Variants in KLF8 observed in about 807,000 individuals in gnomAD.
KLF8 encodes the protein Krueppel-like factor 8.
A neutral mutation model predicts 18.2 loss-of-function variants in KLF8; 10 were observed. That is an observed-to-expected ratio of 0.55 (90% CI 0.34 to 0.93). The LOEUF is 0.93. Ranked by LOEUF, KLF8 falls within the 40% of genes least tolerant of loss-of-function variation. The pLI, the probability that KLF8 is intolerant of heterozygous loss-of-function variation, is 0.02. For missense variants in KLF8, 264 were observed against 277.9 expected, an observed-to-expected ratio of 0.95 and a Z score of 0.36; for synonymous variants, 109 against 97.3, an observed-to-expected ratio of 1.12 and a Z score of -0.71.
At chrX:55,985,897 T>C in the KLF8 span, among the ~76,000 whole-genome samples, 4 of 111,176 alleles carry the variant, frequency 3.6e-5, no homozygotes, top group African/African-American at 1.3e-4. Context: ...GTGGGAATTG[T>C]GAATGGGGGA....
chrX:56,110,129 G>A, the KLF8 span, among the ~76,000 whole-genome samples: 1 of 111,572 alleles, frequency 9.0e-6, no homozygotes, highest in Non-Finnish European at 1.9e-5. Flanking sequence ...TCCTTTTATG[G>A]CTGCATAGTA....
chrX:56,109,326 T>C, the KLF8 span, among the ~76,000 whole-genome samples: 1 of 108,228 alleles, frequency 9.2e-6, no homozygotes, highest in South Asian at 4.2e-4. Context: ...GCTAGGGAGA[T>C]TGAGGCTTCA....
the KLF8 span, among the ~76,000 whole-genome samples, chrX:55,921,373 A>T: frequency 1.8e-5 from 2 of 111,575 alleles, no homozygotes; most frequent in Admixed American, 9.5e-5. Flanking sequence ...TATTTCTGAG[A>T]TCTCTATTAT....
At chrX:56,214,174 G>T in the KLF8 span, among the ~76,000 whole-genome samples, 2 of 110,703 alleles carry the variant, frequency 1.8e-5, no homozygotes, top group African/African-American at 6.6e-5. Flanking sequence ...TATAGGATGG[G>T]GGGTGAGGGG....
At chrX:56,241,190 T>C (rs755075269) in intron 1 of KLF8, among the ~76,000 whole-genome samples, 2 of 111,481 alleles carry the variant, frequency 1.8e-5, no homozygotes, top group African/African-American at 6.5e-5. Context: ...TTTTTTGAGA[T>C]GGAGCCTCGC....
the KLF8 span, among the ~76,000 whole-genome samples, chrX:56,211,165 C>T: frequency 1.5e-4 from 17 of 111,777 alleles, no homozygotes; most frequent in Admixed American, 9.5e-4. Flanking sequence ...TATTTGTCGC[C>T]GTCCTATTTG....
At chrX:55,998,544 C>T in the KLF8 span, among the ~76,000 whole-genome samples, 23 of 112,212 alleles carry the variant, frequency 2.0e-4, no homozygotes, top group East Asian at 5.6e-4. Context: ...CATCTTGCAC[C>T]GCCCTTAATC....
intron 1 of KLF8, among the ~76,000 whole-genome samples, chrX:56,241,413 C>T (rs113711061): frequency 1.1e-3 from 128 of 111,660 alleles, no homozygotes; most frequent in Non-Finnish European, 1.7e-3. Flanking sequence ...GTGATCCACC[C>T]GCCTTGGCCT....
the KLF8 span, among the ~76,000 whole-genome samples, chrX:56,047,035 C>A: frequency 9.2e-6 from 1 of 108,442 alleles, no homozygotes; most frequent in South Asian, 3.9e-4. Flanking sequence ...TAGTCCGAAA[C>A]TTCTTGGAGG....
chrX:55,989,380 A>G, the KLF8 span, among the ~76,000 whole-genome samples: 8 of 112,477 alleles, frequency 7.1e-5, no homozygotes, highest in Admixed American at 7.5e-4. Context: ...AAGTCCCATC[A>G]ATACCTAATT....
the KLF8 span, among the ~76,000 whole-genome samples, chrX:56,052,930 G>A: frequency 1.3e-4 from 14 of 111,664 alleles, 1 homozygote; most frequent in East Asian, 1.7e-3. Flanking sequence ...CTCCGTGGGC[G>A]TAGGACCCTC....
the KLF8 span, among the ~76,000 whole-genome samples, chrX:56,049,919 C>G: frequency 9.2e-6 from 1 of 108,831 alleles, no homozygotes; most frequent in Non-Finnish European, 1.9e-5. Flanking sequence ...GGTTGGTAAG[C>G]TATTGATTAT....
At chrX:55,934,086 A>G in the KLF8 span, among the ~76,000 whole-genome samples, 65 of 112,192 alleles carry the variant, frequency 5.8e-4, no homozygotes, top group African/African-American at 1.9e-3. Context: ...ATCCATTTAG[A>G]AATTGTATAC....
chrX:56,203,552 G>A, the KLF8 span, among the ~76,000 whole-genome samples: 1 of 110,976 alleles, frequency 9.0e-6, no homozygotes, highest in African/African-American at 3.2e-5. Flanking sequence ...TAGTTTCATA[G>A]TTTAAGATGT....
the KLF8 span, among the ~76,000 whole-genome samples, chrX:55,986,285 G>A: frequency 1.8e-5 from 2 of 111,693 alleles, no homozygotes; most frequent in Admixed American, 9.5e-5. Context: ...GTCATAAATG[G>A]CTCTTATAAA....
chrX:56,199,396 AAAAC>A, the KLF8 span, among the ~76,000 whole-genome samples: 64 of 112,086 alleles, frequency 5.7e-4, no homozygotes, highest in African/African-American at 1.9e-3. Flanking sequence ...TTACAAGAAA[AAAAC>A]AAACAACCCC....
At chrX:56,075,147 GTCTT>G in the KLF8 span, among the ~76,000 whole-genome samples, 1 of 109,709 alleles carries the variant, frequency 9.1e-6, no homozygotes, top group Admixed American at 9.8e-5. Flanking sequence ...CAGAGTGTAA[GTCTT>G]TCATTTCTTT....
At chrX:56,110,936 C>T in the KLF8 span, among the ~76,000 whole-genome samples, 1 of 111,128 alleles carries the variant, frequency 9.0e-6, no homozygotes, top group Non-Finnish European at 1.9e-5. Flanking sequence ...TTTATTTCTT[C>T]ATGTGGCTTC....
chrX:56,220,496 T>C, the KLF8 span, among the ~76,000 whole-genome samples: 3 of 111,411 alleles, frequency 2.7e-5, no homozygotes, highest in African/African-American at 9.8e-5. Flanking sequence ...TTCCTTTTCT[T>C]TTTTTTTGAG....
Sources: allele counts gnomAD v4.1 joint callset (sites outside exome capture counted in the v4.1 genomes callset), GRCh38; gene constraint gnomAD v4.1.1; transcripts MANE v1.5; gene names NCBI Gene and HGNC (gene_info 2026-07-23, HGNC 2026-07-21).